The following OTOGL variants were observed in gnomAD, a reference collection of about 807,000 sequenced individuals.
OTOGL encodes the protein otogelin like, also known as otogelin-like protein.
OTOGL carries 285 observed loss-of-function variants against 318.5 expected under a neutral mutation model. The ratio of observed to expected loss-of-function variants is 0.89; its 90% CI spans 0.81 to 0.99. OTOGL has a LOEUF of 0.99. Among genes scored for constraint, OTOGL ranks in the 50% least tolerant of loss-of-function variants. The pLI is 0.00. For synonymous variants in OTOGL, 987 were observed against 936.5 expected, an observed-to-expected ratio of 1.05 and a Z score of -0.99; for missense variants, 2,899 against 2,845.6, an observed-to-expected ratio of 1.02 and a Z score of -0.43.
At chr12:80,201,480 G>A (rs916111207) in intron 1 of OTOGL, among the ~76,000 whole-genome samples, 10 of 152,060 alleles carry the variant, frequency 6.6e-5, no homozygotes, top group Admixed American at 6.6e-4. Flanking sequence ...TTACCACAGG[G>A]AGGGCACAAA....
chr12:80,351,418 A>T (rs942152526), intron 44 of OTOGL, among the ~76,000 whole-genome samples: 6 of 151,658 alleles, frequency 4.0e-5, no homozygotes, highest in Non-Finnish European at 7.4e-5. Context: ...CGGGTTCAAG[A>T]GATTCTCCTG....
intron 26 of OTOGL, among the ~76,000 whole-genome samples, chr12:80,283,709 A>G (rs1884402007): frequency 1.3e-5 from 2 of 152,044 alleles, no homozygotes; most frequent in Non-Finnish European, 2.9e-5. Flanking sequence ...TAGCAATCTA[A>G]CACTTGTGAT....
chr12:80,359,328 A>G (rs886745435), intron 52 of OTOGL, among the ~76,000 whole-genome samples: 1 of 152,198 alleles, frequency 6.6e-6, no homozygotes, highest in Non-Finnish European at 1.5e-5. Context: ...TAAACCTTAT[A>G]GAAATTTCAA....
At chr12:80,215,418 C>T (rs778555436) in intron 4 of OTOGL, among the ~76,000 whole-genome samples, 3 of 152,002 alleles carry the variant, frequency 2.0e-5, no homozygotes, top group East Asian at 1.9e-4. Flanking sequence ...CCACCCACCA[C>T]GGCCTCCCAA....
chr12:80,325,803 A>G (rs1320496823), intron 35 of OTOGL, among the ~76,000 whole-genome samples: 1 of 152,192 alleles, frequency 6.6e-6, no homozygotes, highest in Non-Finnish European at 1.5e-5. Context: ...AGCAGCAGGC[A>G]CAGCTGGCAG....
At chr12:80,300,023 A>G (rs1265512977) in intron 27 of OTOGL, among the ~76,000 whole-genome samples, 5 of 152,186 alleles carry the variant, frequency 3.3e-5, no homozygotes, top group African/African-American at 1.2e-4. Context: ...CAAACTGAGC[A>G]AAAGAGAAAC....
At position 80,378,655 on chromosome 12, in the gene OTOGL, ATGT is replaced by A. The variant is rs1364300438; in HGVS notation, c.*609_*611del. The A allele has an allele frequency of 1.3e-5, 2 of 152,190 alleles. No individual in the cohort carries two copies. The highest frequency in any genetic ancestry group is 4.8e-5 in the African/African-American group (2 of 41,450). The allele number at this position is 152,190 out of a possible 1,614,324, so 9.4% of individuals were successfully genotyped here. A position where few individuals can be genotyped will look rare whatever the true frequency, so the allele number is the denominator to read the frequency against. On this transcript the variant is annotated 3_prime_UTR_variant, in exon 59 of 59. Coordinates refer to ENST00000547103, the MANE Select transcript of OTOGL (RefSeq NM_001378609.3). ...TTCAGTGTAATAATATAGTAAATTC[ATGT>A]TAACAGTTGGATTAAATCCTAGCTC...
At chr12:80,192,073 G>A (rs1875735211) in intron 1 of OTOGL, among the ~76,000 whole-genome samples, 1 of 152,166 alleles carries the variant, frequency 6.6e-6, no homozygotes, top group African/African-American at 2.4e-5. Context: ...CCTAACCACT[G>A]TTGTTGTTTT....
At chr12:80,134,328 T>C (rs1565872871) in intron 1 of OTOGL, among the ~76,000 whole-genome samples, 1 of 152,214 alleles carries the variant, frequency 6.6e-6, no homozygotes, top group Non-Finnish European at 1.5e-5. Flanking sequence ...AGGGCACTTC[T>C]TTAGGGACCT....
chr12:80,367,329 C>A (rs1280168060), intron 53 of OTOGL, among the ~76,000 whole-genome samples: 1 of 152,040 alleles, frequency 6.6e-6, no homozygotes, highest in Non-Finnish European at 1.5e-5. Flanking sequence ...GAAGTTCAAT[C>A]ATTAAACAGC....
chr12:80,104,677 G>A (rs1869349266), intron 1 of OTOGL, among the ~76,000 whole-genome samples: 1 of 152,152 alleles, frequency 6.6e-6, no homozygotes, highest in African/African-American at 2.4e-5. Context: ...CAGTTTAAGT[G>A]CAAGGCATTA....
chr12:80,179,800 G>C (rs1244553357), intron 1 of OTOGL, among the ~76,000 whole-genome samples: 1 of 152,184 alleles, frequency 6.6e-6, no homozygotes, highest in Non-Finnish European at 1.5e-5. Context: ...TGAAGCAGCA[G>C]CTCTACAGTG....
chr12:80,343,526 T>TTTTTTTTTTTC (rs1555301044), intron 44 of OTOGL: 1 of 118,160 alleles, frequency 8.5e-6, no homozygotes, highest in African/African-American at 4.6e-5. Context: ...TTTTTTTTTT[T>TTTTTTTTTTTC]TTTTTTTTTT....
Position 80,229,264 on chromosome 12 carries a change from A to G in OTOGL, c.497A>G (p.Asn166Ser), listed in dbSNP as rs774369020. ...LEPRYTVWVH[N>S]SPKCLGSVYS... The stretch of plus-strand genomic sequence containing the variant: ...TGTTTTTCTCCCTTTAAGGTTCATA[A>G]CAGCCCTAAATGCCTTGGTTCGGTG... The change falls in exon 8 of 59, where the codon AAC becomes AGC. Residue 166 changes from asparagine to serine, a missense_variant. Transcript: ENST00000547103. The G allele has an allele frequency of 6.3e-7, 1 of 1,597,838 alleles. No individual in the cohort carries two copies. The highest frequency in any genetic ancestry group is 1.7e-5 in the Admixed American group (1 of 59,986).
intron 1 of OTOGL, among the ~76,000 whole-genome samples, chr12:80,140,358 T>C (rs1231649085): frequency 1.3e-5 from 2 of 152,214 alleles, no homozygotes; most frequent in Non-Finnish European, 2.9e-5. Context: ...TGCCTGGAGT[T>C]TACTTTTGAA....
intron 8 of OTOGL, among the ~76,000 whole-genome samples, chr12:80,231,761 A>G (rs1158820197): frequency 6.6e-6 from 1 of 151,798 alleles, no homozygotes; most frequent in Non-Finnish European, 1.5e-5. Context: ...CAGCCTCCCA[A>G]GGAGCTGGGA....
intron 26 of OTOGL, among the ~76,000 whole-genome samples, chr12:80,286,418 C>T (rs1295712086): frequency 6.6e-6 from 1 of 152,108 alleles, no homozygotes; most frequent in African/African-American, 2.4e-5. Context: ...CCCTCTTCTT[C>T]TGTTGTTTGG....
chr12:80,319,060 C>A (rs1412002564), intron 33 of OTOGL, among the ~76,000 whole-genome samples: 1 of 152,112 alleles, frequency 6.6e-6, no homozygotes, highest in Admixed American at 6.6e-5. Context: ...TTTATGCCCC[C>A]AAAAGTAAAA....
rs781087306 is a variant in OTOGL at position 80,266,580 on chromosome 12, A to G, written c.2354A>G (p.Lys785Arg). 3.7e-6 allele frequency: 6 copies of G among 1,613,526 alleles called. No homozygotes were observed. The highest frequency in any genetic ancestry group is 4.2e-6 in the Non-Finnish European group (5 of 1,179,734). ...CAEGCNCPEG[K>R]FYEDTLNFCV... The stretch of plus-strand genomic sequence containing the variant: ...GAAGGCTGTAATTGTCCGGAAGGCA[A>G]ATTCTATGAAGACACTCTTAACTTT... Residue 785 changes from lysine (K) to arginine (R), a missense_variant, in exon 21 of 59, where the codon AAA becomes AGA. Coordinates refer to ENST00000547103, the MANE Select transcript of OTOGL (RefSeq NM_001378609.3).
Sources: allele counts gnomAD v4.1 joint callset (sites outside exome capture counted in the v4.1 genomes callset), GRCh38; gene constraint gnomAD v4.1.1; transcripts MANE v1.5; gene names NCBI Gene and HGNC (gene_info 2026-07-23, HGNC 2026-07-21).